OPN5: variants seen among roughly 807,000 people sequenced by gnomAD.
OPN5 encodes opsin-5.
In OPN5, 18 loss-of-function variants were observed where a neutral mutation model predicts 41.7. The observed-to-expected ratio is 0.43, with a 90% CI of 0.30 to 0.64. The LOEUF is 0.64. Among genes scored for constraint, OPN5 ranks in the 30% least tolerant of loss-of-function variants. The pLI is 0.13. For synonymous variants in OPN5, 178 were observed against 164.3 expected (o/e 1.08, Z -0.64); for missense variants, 318 against 434.5 (o/e 0.73, Z 2.38).
At chr6:47,818,022 A>G (rs978040443) in intron 6 of OPN5, among the ~76,000 whole-genome samples, 3 of 152,176 alleles carry the variant, frequency 2.0e-5, no homozygotes, top group East Asian at 3.8e-4. Context: ...GCATACAGCT[A>G]TATTAGGATT....
chr6:47,806,896 G>A (rs756985836), intron 4 of OPN5, among the ~76,000 whole-genome samples: 1 of 152,146 alleles, frequency 6.6e-6, no homozygotes, highest in Non-Finnish European at 1.5e-5. Flanking sequence ...GATGGCTCAT[G>A]CCTGTAATCC....
chr6:47,823,010 T>TA (rs1158746232), intron 6 of OPN5, among the ~76,000 whole-genome samples: 8 of 152,282 alleles, frequency 5.3e-5, no homozygotes, highest in African/African-American at 1.7e-4. Context: ...GAAAATAGCA[T>TA]AAAATCCTGC....
intron 2 of OPN5, among the ~76,000 whole-genome samples, chr6:47,789,135 G>T (rs1169225754): frequency 6.6e-6 from 1 of 152,100 alleles, no homozygotes; most frequent in Non-Finnish European, 1.5e-5. Flanking sequence ...TCTTTTTGCT[G>T]CCTTTAGCAC....
rs1774041722 is a variant in OPN5, at chr6:47,808,002, A to G, written c.757-152A>G. 1.3e-5 allele frequency: 10 copies of G among 755,792 alleles called. No homozygotes were observed. In the South Asian group the frequency reaches 1.5e-4, roughly 12 times the overall value. 46.8% of individuals were successfully genotyped at this position (755,792 alleles called of 1,614,324 possible). ...TTGGCTGAACTTCTCAGAAGTCCATATGAAATGATTCCTATGTACAAAGTA... is the reference window on the plus strand; with the variant it reads ...TTGGCTGAACTTCTCAGAAGTCCATGTGAAATGATTCCTATGTACAAAGTA... On this transcript the variant is annotated intron_variant, in intron 4 of 6. Coordinates refer to ENST00000371211, the Ensembl canonical transcript of OPN5.
At chr6:47,816,619 G>A (rs1299330008) in intron 6 of OPN5, among the ~76,000 whole-genome samples, 1 of 152,056 alleles carries the variant, frequency 6.6e-6, no homozygotes, top group Non-Finnish European at 1.5e-5. Context: ...CTAGAGCATT[G>A]GAGACACAGC....
At chr6:47,801,440 C>A (rs903002289) in intron 4 of OPN5, among the ~76,000 whole-genome samples, 1 of 152,198 alleles carries the variant, frequency 6.6e-6, no homozygotes, top group South Asian at 2.1e-4. Context: ...CCTTAAATGA[C>A]TCCTCCCTTT....
intron 6 of OPN5, among the ~76,000 whole-genome samples, chr6:47,823,022 G>A (rs1428364200): frequency 6.6e-6 from 1 of 152,164 alleles, no homozygotes; most frequent in African/African-American, 2.4e-5. Context: ...AAATCCTGCT[G>A]TGATCTCAGC....
At chr6:47,782,813 C>A (rs1321823498) in intron 1 of OPN5, among the ~76,000 whole-genome samples, 1 of 152,124 alleles carries the variant, frequency 6.6e-6, no homozygotes, top group African/African-American at 2.4e-5. Context: ...AAAGGGTGCA[C>A]CTGCTTCTAG....
intron 4 of OPN5, among the ~76,000 whole-genome samples, chr6:47,805,508 T>G (rs1293884931): frequency 2.6e-5 from 4 of 152,084 alleles, no homozygotes; most frequent in Non-Finnish European, 5.9e-5. Flanking sequence ...AACCTGAGAC[T>G]TTAGGTTAGA....
At chr6:47,795,140 A>G in intron 3 of OPN5, 89 bp from the exon 4 acceptor site, 1 of 1,014,050 alleles carries the variant, frequency 9.9e-7, no homozygotes, top group African/African-American at 1.6e-5. Context: ...AATGGAATAA[A>G]TCTTTGGAGG....
chr6:47,795,066 A>C (rs1189622980), intron 3 of OPN5, 163 bp from the exon 4 acceptor site: 4 of 579,126 alleles, frequency 6.9e-6, no homozygotes, highest in Admixed American at 6.1e-5. Context: ...AAGCTCTGGA[A>C]CTTTTTTCCG....
intron 2 of OPN5, 120 bp from the exon 3 acceptor site, chr6:47,791,682 G>C: frequency 4.2e-6 from 3 of 719,818 alleles, no homozygotes; most frequent in Non-Finnish European, 4.8e-6. Context: ...TGTAATCAAG[G>C]GTGTGTGTGT....
intron 2 of OPN5, 148 bp downstream of exon 2, chr6:47,786,782 G>T: frequency 1.4e-6 from 1 of 711,272 alleles, no homozygotes; most frequent in South Asian, 2.1e-5. Flanking sequence ...AGAGTTTTGT[G>T]GTAAGTCAAT....
intron 4 of OPN5, among the ~76,000 whole-genome samples, chr6:47,804,031 T>C (rs1213657451): frequency 2.0e-5 from 3 of 152,254 alleles, no homozygotes; most frequent in Non-Finnish European, 4.4e-5. Context: ...CATTATTCGA[T>C]TATTGCTTTA....
chr6:47,795,776 TCTCACACA>T (rs746061144), intron 4 of OPN5, among the ~76,000 whole-genome samples: 17 of 104,080 alleles, frequency 1.6e-4, no homozygotes, highest in Admixed American at 3.6e-4. Flanking sequence ...TCTCTCTCTC[TCTCACACA>T]CACACACACA....
At chr6:47,826,097 T>C (rs897748448), downstream of OPN5, 1 of 152,124 alleles carries the variant, frequency 6.6e-6, no homozygotes, top group African/African-American at 2.4e-5. Flanking sequence ...TTTAATGGAA[T>C]TTTTTGAACA....
At chr6:47,788,805 T>TGGC (rs1554139114) in intron 2 of OPN5, among the ~76,000 whole-genome samples, 1 of 125,162 alleles carries the variant, frequency 8.0e-6, no homozygotes, top group African/African-American at 3.0e-5. Flanking sequence ...TAGGATAACC[T>TGGC]GGGGGGGGGC....
intron 6 of OPN5, among the ~76,000 whole-genome samples, chr6:47,815,771 A>G (rs1316716950): frequency 6.6e-6 from 1 of 152,150 alleles, no homozygotes; most frequent in Non-Finnish European, 1.5e-5. Context: ...AGTGGATGCC[A>G]TATTGCAAAA....
intron 2 of OPN5, 61 bp from the exon 3 acceptor site, chr6:47,791,741 G>C: frequency 6.8e-7 from 1 of 1,476,572 alleles, no homozygotes; most frequent in Non-Finnish European, 9.4e-7. Context: ...CAGGTGAGTT[G>C]AGGTAGGTGG....
Sources: allele counts gnomAD v4.1 joint callset (sites outside exome capture counted in the v4.1 genomes callset), GRCh38; gene constraint gnomAD v4.1.1; transcripts MANE v1.5; gene names NCBI Gene and HGNC (gene_info 2026-07-23, HGNC 2026-07-21).